The following GALNT10 variants were observed in gnomAD, a reference collection of about 807,000 sequenced individuals.
GALNT10 encodes the protein polypeptide N-acetylgalactosaminyltransferase 10.
GALNT10 carries 41 observed loss-of-function variants against 75.0 expected under a neutral mutation model. That is an observed-to-expected ratio of 0.55 (90% CI 0.43 to 0.71). GALNT10 has a LOEUF of 0.71. Ranked by LOEUF, GALNT10 falls within the 30% of genes least tolerant of loss-of-function variation. The probability of loss-of-function intolerance (pLI) is 0.00; values close to 1 mark genes in which losing one functional copy is unlikely to be tolerated. For missense variants in GALNT10, 727 were observed against 818.5 expected (o/e 0.89, Z 1.36); for synonymous variants, 302 against 313.0 (o/e 0.96, Z 0.37).
At chr5:154,224,815 C>G (rs551826094) in intron 1 of GALNT10, among the ~76,000 whole-genome samples, 71 of 139,340 alleles carry the variant, frequency 5.1e-4, no homozygotes, top group African/African-American at 1.8e-3. Context: ...GAGTCTCGCT[C>G]TGTCTCCCAG....
At chr5:154,230,064 C>T (rs1205218921) in intron 1 of GALNT10, among the ~76,000 whole-genome samples, 1 of 152,130 alleles carries the variant, frequency 6.6e-6, no homozygotes, top group Non-Finnish European at 1.5e-5. Flanking sequence ...GTTCCCATTA[C>T]TGGAATTTCC....
At chr5:154,299,959 C>T (rs1435667378) in intron 3 of GALNT10, among the ~76,000 whole-genome samples, 1 of 152,012 alleles carries the variant, frequency 6.6e-6, no homozygotes, top group African/African-American at 2.4e-5. Context: ...CTCAGCCTCC[C>T]GTGTAGCTGG....
intron 1 of GALNT10, among the ~76,000 whole-genome samples, chr5:154,242,275 A>G (rs1449764534): frequency 6.6e-6 from 1 of 152,120 alleles, no homozygotes; most frequent in Non-Finnish European, 1.5e-5. Context: ...CAGGACAGCC[A>G]TCTTGTTTGA....
chr5:154,249,116 C>A (rs1753476213), intron 1 of GALNT10, among the ~76,000 whole-genome samples: 1 of 152,244 alleles, frequency 6.6e-6, no homozygotes, highest in Admixed American at 6.5e-5. Flanking sequence ...AGGTAAGTCA[C>A]TTTAAGTTCC....
intron 6 of GALNT10, among the ~76,000 whole-genome samples, chr5:154,384,345 T>A (rs912839291): frequency 2.6e-5 from 4 of 152,224 alleles, no homozygotes; most frequent in African/African-American, 9.6e-5. Context: ...TGTGATATTA[T>A]TTTCTAAGGT....
At chr5:154,199,070 G>A (rs898309120) in intron 1 of GALNT10, among the ~76,000 whole-genome samples, 2 of 152,198 alleles carry the variant, frequency 1.3e-5, no homozygotes, top group Non-Finnish European at 2.9e-5. Flanking sequence ...AATGGCTGAG[G>A]GGGTGAGTGA....
chr5:154,284,755 C>T (rs1025684379), intron 1 of GALNT10, among the ~76,000 whole-genome samples: 3 of 152,172 alleles, frequency 2.0e-5, no homozygotes, highest in Non-Finnish European at 2.9e-5. Flanking sequence ...TTCCTGCAGC[C>T]TTTCTAGATA....
intron 4 of GALNT10, among the ~76,000 whole-genome samples, chr5:154,346,310 A>G (rs1162185128): frequency 2.0e-5 from 3 of 152,146 alleles, no homozygotes; most frequent in Non-Finnish European, 2.9e-5. Flanking sequence ...CTCTTTGGAT[A>G]TATATCCAGA....
In GALNT10 at chr5:154,335,977, C is replaced by T. The variant is rs7704729; in HGVS notation, c.568+6239C>T. 4.3e-3 allele frequency among the ~76,000 whole-genome samples: 654 copies of T among 152,298 alleles called. 3 individuals carry two copies. Among genetic ancestry groups the T allele is most frequent in the African/African-American group, 0.015 (636 of 41,568 alleles). ...ACTGCCCTAAAAATCCTCTGTGCTC[C>T]ACCTGTTCATCCCTCCCTTTCCCTA... On this transcript the variant is annotated intron_variant, in intron 4 of 11. Transcript: ENST00000297107.
rs1373027276 is a variant in GALNT10 at position 154,239,112 on chromosome 5, G to A, written c.159+48087G>A. On this transcript the variant is annotated intron_variant, in intron 1 of 11. Coordinates refer to ENST00000297107, the MANE Select transcript of GALNT10 (RefSeq NM_198321.4). ...CCTTCCCAGCCTCACTGCCCACTTT[G>A]TTTCTGTATCTTCACATCTTCCTTC... Among the ~76,000 whole-genome samples the A allele has an allele frequency of 3.3e-5, 5 of 152,140 alleles. No individual in the cohort carries two copies. In the South Asian group the frequency reaches 8.3e-4, roughly 25 times the overall value.
intron 1 of GALNT10, among the ~76,000 whole-genome samples, chr5:154,243,088 G>A (rs2113669204): frequency 6.6e-6 from 1 of 152,266 alleles, no homozygotes; most frequent in Non-Finnish European, 1.5e-5. Context: ...TCATGTCTCT[G>A]TGCCTTCTCT....
intron 1 of GALNT10, among the ~76,000 whole-genome samples, chr5:154,196,882 TG>T (rs1263974797): frequency 1.3e-5 from 2 of 152,140 alleles, no homozygotes; most frequent in Non-Finnish European, 2.9e-5. Flanking sequence ...GTGCTGCTTT[TG>T]GGAAGAGGAG....
intron 3 of GALNT10, among the ~76,000 whole-genome samples, chr5:154,301,095 T>C (rs939990456): frequency 6.6e-6 from 1 of 152,240 alleles, no homozygotes; most frequent in Non-Finnish European, 1.5e-5. Context: ...GAAACCTCTT[T>C]TTCATCGAAG....
intron 1 of GALNT10, among the ~76,000 whole-genome samples, chr5:154,217,816 A>T (rs1468899533): frequency 6.6e-6 from 1 of 152,236 alleles, no homozygotes; most frequent in East Asian, 1.9e-4. Flanking sequence ...CTAAAAATTA[A>T]TTGGGAGACT....
intron 5 of GALNT10, among the ~76,000 whole-genome samples, chr5:154,380,144 AT>A (rs1351331174): frequency 6.6e-6 from 1 of 152,164 alleles, no homozygotes; most frequent in African/African-American, 2.4e-5. Flanking sequence ...ATTTTCAAAC[AT>A]ACTGTGTTCA....
chr5:154,296,340 C>T (rs1754271559), intron 2 of GALNT10, among the ~76,000 whole-genome samples: 1 of 152,110 alleles, frequency 6.6e-6, no homozygotes, highest in South Asian at 2.1e-4. Context: ...AGGTGATCTG[C>T]CCACCTCGGC....
intron 1 of GALNT10, among the ~76,000 whole-genome samples, chr5:154,233,121 T>C (rs1162692741): frequency 6.6e-6 from 1 of 152,180 alleles, no homozygotes; most frequent in Non-Finnish European, 1.5e-5. Flanking sequence ...ATAAAAAAAT[T>C]TTAACAAAAT....
At position 154,386,807 on chromosome 5, in the gene GALNT10, G is replaced by A. The variant is rs1367901356; in HGVS notation, c.1056+377G>A. On this transcript the variant is annotated intron_variant, in intron 7 of 11. Coordinates refer to ENST00000297107, the MANE Select transcript of GALNT10 (RefSeq NM_198321.4). ...TAGGAAGGCCAAACAGGATACGTAG[G>A]CCTAGAGGAGTCCTCTCAGTCACCC... 1.3e-5 allele frequency: 5 copies of A among 394,684 alleles called. No homozygotes were observed. The East Asian group carries it at 2.1e-4, about 17-fold the overall frequency. 24.4% of individuals were successfully genotyped at this position (394,684 alleles called of 1,614,324 possible). A position where few individuals can be genotyped will look rare whatever the true frequency, so the allele number is the denominator to read the frequency against.
rs537458230 is a variant in GALNT10 at position 154,358,360 on chromosome 5, A to C, written c.569-17917A>C. On this transcript the variant is annotated intron_variant, in intron 4 of 11. Coordinates refer to ENST00000297107, the MANE Select transcript of GALNT10 (RefSeq NM_198321.4). ...ACAACAATAATAACAATCACCACCA[A>C]CAAGTGTAAATGTTGGTCTGTCTCA... Among the ~76,000 whole-genome samples, 7 of 152,158 alleles carry C rather than the reference A, an allele frequency of 4.6e-5. No individual in the cohort carries two copies. In the East Asian group the frequency reaches 1.2e-3, roughly 25 times the overall value.
Sources: allele counts gnomAD v4.1 joint callset (sites outside exome capture counted in the v4.1 genomes callset), GRCh38; gene constraint gnomAD v4.1.1; transcripts MANE v1.5; gene names NCBI Gene and HGNC (gene_info 2026-07-23, HGNC 2026-07-21).